Variants in ITPKB observed in about 807,000 individuals in gnomAD.
ITPKB encodes the protein inositol-trisphosphate 3-kinase B, also known as IP3 3-kinase B.
Under a neutral mutation model 69.4 loss-of-function variants are expected in ITPKB, and 13 were observed. That is an observed-to-expected ratio of 0.19 (90% confidence interval 0.12 to 0.30). The LOEUF is 0.30. ITPKB is among the 10% of genes least tolerant of loss of function. The probability of loss-of-function intolerance (pLI) is 1.00; values close to 1 mark genes in which losing one functional copy is unlikely to be tolerated. For missense variants in ITPKB, 1,240 were observed against 1,250.5 expected (o/e 0.99, Z 0.13); for synonymous variants, 584 against 513.7 (o/e 1.14, Z -1.85).
chr1:226,649,362 A>AGG (rs1553317006), intron 2 of ITPKB, among the ~76,000 whole-genome samples: 2 of 120,734 alleles, frequency 1.7e-5, no homozygotes, highest in Non-Finnish European at 3.7e-5. Context: ...ATATATGTGC[A>AGG]TGTGTGCATG....
rs34777857 is a variant in ITPKB, at chr1:226,735,586, G to A, written c.1873C>T (p.Arg625Cys). 1.2e-4 allele frequency: 188 copies of A among 1,588,358 alleles called. 1 individual carries two copies. In the African/African-American group the frequency reaches 2.1e-3, roughly 18 times the overall value. Residue 625 changes from arginine to cysteine, a missense_variant, in exon 2 of 8, where the codon CGC (arginine) becomes TGC (cysteine). This residue lies in a region of ITPKB where 992 missense variants were observed against 853.8 expected (regional missense o/e 1.16). Transcript: ENST00000429204. ...SEEDISSDPE[R>C]TLDPNSAFLH... The stretch of plus-strand genomic sequence containing the variant: ...AAGGCTGAGTTGGGGTCCAGGGTGC[G>A]CTCAGGGTCACTGGAGATGTCCTCC...
At chr1:226,690,367 C>G (rs1427849523) in intron 2 of ITPKB, among the ~76,000 whole-genome samples, 1 of 152,158 alleles carries the variant, frequency 6.6e-6, no homozygotes, top group African/African-American at 2.4e-5. Context: ...CAACCAGGCT[C>G]AGAAAAGTTA....
intron 4 of ITPKB, among the ~76,000 whole-genome samples, chr1:226,643,621 A>G (rs1278615017): frequency 6.6e-6 from 1 of 152,216 alleles, no homozygotes; most frequent in African/African-American, 2.4e-5. Flanking sequence ...CTTAAAAATG[A>G]CAGGCTTTAG....
At chr1:226,714,163 C>T (rs1657039386) in intron 2 of ITPKB, among the ~76,000 whole-genome samples, 1 of 152,124 alleles carries the variant, frequency 6.6e-6, no homozygotes, top group Admixed American at 6.5e-5. Context: ...ACTCTCTTGG[C>T]CCCTTAAAAT....
Position 226,737,151 on chromosome 1 carries a change from G to A in ITPKB, c.308C>T (p.Ala103Val), listed in dbSNP as rs766608971. 1.0e-5 allele frequency: 16 copies of A among 1,598,486 alleles called. No individual in the cohort carries two copies. The South Asian group carries it at 1.6e-4, about 16-fold the overall frequency. Residue 103 changes from alanine (A) to valine (V), a missense_variant, in exon 2 of 8, where the codon GCT becomes GTT. Ala to Val is a moderately conservative substitution (Grantham distance 64). Coordinates refer to ENST00000429204, the MANE Select transcript of ITPKB (RefSeq NM_002221.4). ...SGSSVSSPSW[A>V]GRLRGDRQQV... is the part of the protein sequence containing the mutation. ...CTGCCGGTCCCCTCGCAGGCGACCA[G>A]CCCAACTTGGGCTGCTCACGCTACT...
chr1:226,685,675 C>T (rs936539574), intron 2 of ITPKB, among the ~76,000 whole-genome samples: 9 of 152,212 alleles, frequency 5.9e-5, no homozygotes, highest in African/African-American at 2.2e-4. Flanking sequence ...CCAGTGACAC[C>T]TCCACGTCCT....
In ITPKB at chr1:226,637,334, G is replaced by A. The variant is rs1036858009; in HGVS notation, c.2625+345C>T. 4.6e-5 allele frequency among the ~76,000 whole-genome samples: 7 copies of A among 152,208 alleles called. No homozygotes were observed. The highest frequency in any genetic ancestry group is 1.0e-4 in the Non-Finnish European group (7 of 68,038). On this transcript the variant is annotated intron_variant, in intron 7 of 7. Coordinates refer to ENST00000429204, the MANE Select transcript of ITPKB (RefSeq NM_002221.4). The surrounding 1 kb of genome is among the most constrained non-coding windows in gnomAD (Gnocchi z 4.3). ...AAGATGTAGGTGGCGGTCGGCGGGT[G>A]CCTGGCTACTCTAGCAGCTCAGAGA...
intron 2 of ITPKB, among the ~76,000 whole-genome samples, chr1:226,695,573 G>C (rs896639872): frequency 2.6e-5 from 4 of 152,152 alleles, no homozygotes; most frequent in African/African-American, 9.7e-5. Context: ...CTCCCACCCA[G>C]GCCAGCTGCC....
intron 2 of ITPKB, chr1:226,668,892 G>A (rs952384270): frequency 6.6e-6 from 1 of 152,020 alleles, no homozygotes; most frequent in Non-Finnish European, 1.5e-5. Flanking sequence ...TACTGCTACA[G>A]ACCACTATGA....
In ITPKB at chr1:226,637,923, TGTCA is replaced by T. The variant is rs1668874689; in HGVS notation, c.2554-177_2554-174del. Among the ~76,000 whole-genome samples, 1 of 152,216 alleles carries T rather than the reference TGTCA, an allele frequency of 6.6e-6. No homozygotes were observed. The highest frequency in any genetic ancestry group is 1.5e-5 in the Non-Finnish European group (1 of 68,034). Reference sequence around the variant, plus strand: ...GCTGTGGCGTCTTTCTCAGCATAAATGTCAGTACCTTTGACTTTTGAAAGGACAG... The same window carrying T: ...GCTGTGGCGTCTTTCTCAGCATAAATGTACCTTTGACTTTTGAAAGGACAG... On this transcript the variant is annotated intron_variant, in intron 6 of 7. Coordinates refer to ENST00000429204, the MANE Select transcript of ITPKB (RefSeq NM_002221.4). The surrounding 1 kb of genome is among the most constrained non-coding windows in gnomAD (Gnocchi z 4.3).
At chr1:226,670,398 C>CA (rs1047651570) in intron 2 of ITPKB, among the ~76,000 whole-genome samples, 1 of 151,902 alleles carries the variant, frequency 6.6e-6, no homozygotes, top group Non-Finnish European at 1.5e-5. Context: ...GGAAATACTC[C>CA]AAAAAACGGA....
At chr1:226,636,749 G>C (rs1668844172) in intron 7 of ITPKB, among the ~76,000 whole-genome samples, 1 of 123,980 alleles carries the variant, frequency 8.1e-6, no homozygotes, top group African/African-American at 3.1e-5. Flanking sequence ...CAGGACTGCA[G>C]CTCTGTGTGT....
At chr1:226,638,843 G>A (rs1558299007) in intron 6 of ITPKB, among the ~76,000 whole-genome samples, 2 of 152,004 alleles carry the variant, frequency 1.3e-5, no homozygotes, top group East Asian at 1.9e-4. Context: ...GGCAGACGGC[G>A]GGCACTGTTC....
rs1657753154 is a variant in ITPKB at position 226,736,203 on chromosome 1, G to A, written c.1256C>T (p.Ala419Val). The change falls in exon 2 of 8, where the codon GCC becomes GTC. Residue 419 changes from alanine to valine, a missense_variant. By Grantham distance (64) the Ala-to-Val change is moderately conservative. Transcript: ENST00000429204. ...TCGGGCCTCCTCAGGGCCTACGGAG[G>A]CCAGGGCCCTGGGCAGCCTGGACCA... Reference protein sequence around the residue: ...LSWSRLPRALASVGPEEARSG... With the variant: ...LSWSRLPRALVSVGPEEARSG... 2 of 1,535,058 alleles carry A rather than the reference G, an allele frequency of 1.3e-6. No individual in the cohort carries two copies. The highest frequency in any genetic ancestry group is 8.7e-7 in the Non-Finnish European group (1 of 1,144,194).
intron 2 of ITPKB, among the ~76,000 whole-genome samples, chr1:226,660,638 G>A (rs1378029554): frequency 6.6e-6 from 1 of 151,618 alleles, no homozygotes; most frequent in Admixed American, 6.6e-5. Context: ...CTGAACAGAG[G>A]CCTCGCAGAG....
At chr1:226,696,800 A>T (rs3768397) in intron 2 of ITPKB, among the ~76,000 whole-genome samples, 2,104 of 152,294 alleles carry the variant, frequency 0.014, 108 homozygotes, top group Admixed American at 0.081. Context: ...GAGCTGAGAC[A>T]CTGCAGAGGT....
chr1:226,675,757 T>A (rs1197094531), intron 2 of ITPKB, among the ~76,000 whole-genome samples: 1 of 152,204 alleles, frequency 6.6e-6, no homozygotes, highest in African/African-American at 2.4e-5. Context: ...AGGATGAAAC[T>A]CGTATGTGCT....
chr1:226,650,919 C>T (rs976930466), intron 2 of ITPKB, among the ~76,000 whole-genome samples: 2 of 152,204 alleles, frequency 1.3e-5, no homozygotes, highest in African/African-American at 4.8e-5. Flanking sequence ...AAGTGACCTT[C>T]CCTCATCCCA....
At chr1:226,669,318 A>C in intron 2 of ITPKB, 1 of 152,084 alleles carries the variant, frequency 6.6e-6, no homozygotes, top group Non-Finnish European at 1.5e-5. Flanking sequence ...AATCGCTTGA[A>C]CCCAGGAGGC....
Sources: allele counts gnomAD v4.1 joint callset (sites outside exome capture counted in the v4.1 genomes callset), GRCh38; gene constraint gnomAD v4.1.1; regional missense constraint gnomAD v4.1.1; non-coding constraint Gnocchi (gnomAD v3.1); transcripts MANE v1.5; gene names NCBI Gene and HGNC (gene_info 2026-07-23, HGNC 2026-07-21).